GNS: variants seen among roughly 807,000 people sequenced by gnomAD.
The protein encoded by GNS is glucosamine (N-acetyl)-6-sulfatase, also known as N-acetylglucosamine-6-sulfatase.
A neutral mutation model predicts 69.7 loss-of-function variants in GNS; 40 were observed. The observed-to-expected ratio is 0.57, with a 90% CI of 0.45 to 0.75. The LOEUF (loss-of-function observed/expected upper bound fraction) is 0.75, where lower values mean the gene tolerates loss of function less well. Among genes scored for constraint, GNS ranks in the 30% least tolerant of loss-of-function variants. The pLI is 0.00. For synonymous variants in GNS, 243 were observed against 251.6 expected, an observed-to-expected ratio of 0.97 and a Z score of 0.32; for missense variants, 565 against 685.5, an observed-to-expected ratio of 0.82 and a Z score of 1.96.
chr12:64,729,276 C>T (rs1241752877), intron 9 of GNS: 4 of 536,210 alleles, frequency 7.5e-6, no homozygotes, highest in Non-Finnish European at 1.3e-5. Flanking sequence ...GTATATCCCC[C>T]TGGCAAGTTA....
At chr12:64,720,302 A>C in intron 12 of GNS, 120 bp from the exon 13 acceptor site, 1 of 723,998 alleles carries the variant, frequency 1.4e-6, no homozygotes, top group Non-Finnish European at 2.4e-6. Flanking sequence ...AAAAAAAATC[A>C]AGGCCCTGGA....
intron 7 of GNS, among the ~76,000 whole-genome samples, chr12:64,740,389 G>A (rs1270331594): frequency 6.6e-6 from 1 of 152,130 alleles, no homozygotes; most frequent in African/African-American, 2.4e-5. Flanking sequence ...TCCTAAAAAT[G>A]GGCAGTCTAA....
intron 5 of GNS, among the ~76,000 whole-genome samples, chr12:64,744,275 T>C (rs888717673): frequency 2.6e-5 from 4 of 152,250 alleles, no homozygotes; most frequent in Non-Finnish European, 5.9e-5. Flanking sequence ...CATTTACTGT[T>C]GAACACTGGC....
At chr12:64,735,710 C>T (rs1388990452) in intron 9 of GNS, among the ~76,000 whole-genome samples, 1 of 152,212 alleles carries the variant, frequency 6.6e-6, no homozygotes, top group Non-Finnish European at 1.5e-5. Flanking sequence ...TCAATCAGTT[C>T]CAAACACCAA....
chr12:64,724,715 G>A (rs1445083305), intron 10 of GNS, among the ~76,000 whole-genome samples: 1 of 152,150 alleles, frequency 6.6e-6, no homozygotes, highest in Non-Finnish European at 1.5e-5. Flanking sequence ...CAAAAAACTA[G>A]CTGGGCATGG....
rs1868840064 is a variant in GNS at position 64,715,733 on chromosome 12, T to A, written c.*1008A>T. 1 of 152,956 alleles carries A rather than the reference T, an allele frequency of 6.5e-6. No individual in the cohort carries two copies. The highest frequency in any genetic ancestry group is 2.4e-5 in the African/African-American group (1 of 41,390). 9.5% of individuals were successfully genotyped at this position (152,956 alleles called of 1,614,324 possible). A position where few individuals can be genotyped will look rare whatever the true frequency, so the allele number is the denominator to read the frequency against. ...ACAAATGAAGAGAATGACAGAAAAA[T>A]GCAGATAGAGCCAATGACTTCATAC... On this transcript the variant is annotated 3_prime_UTR_variant, in exon 14 of 14. Coordinates refer to ENST00000258145, the MANE Select transcript of GNS (RefSeq NM_002076.4).
Position 64,745,828 on chromosome 12 carries a change from A to T in GNS, c.460-104T>A, listed in dbSNP as rs1342726004. On this transcript the variant is annotated intron_variant, in intron 3 of 13. Coordinates refer to ENST00000258145, the MANE Select transcript of GNS (RefSeq NM_002076.4). ...CTTTTTAGACCAGTGCCTGAAACAT[A>T]GTAGGTACCTAATTTCCCCAAATAG... 3 of 757,252 alleles carry T rather than the reference A, an allele frequency of 4.0e-6. No individual in the cohort carries two copies. The African/African-American group carries it at 5.2e-5, about 13-fold the overall frequency. 46.9% of individuals were successfully genotyped at this position (757,252 alleles called of 1,614,324 possible). A position where few individuals can be genotyped will look rare whatever the true frequency, so the allele number is the denominator to read the frequency against.
At chr12:64,737,523 G>A (rs1038146602) in intron 8 of GNS, among the ~76,000 whole-genome samples, 3 of 152,160 alleles carry the variant, frequency 2.0e-5, no homozygotes, top group African/African-American at 7.2e-5. Context: ...CTGATAAGGG[G>A]AAGTTCTTCT....
intron 9 of GNS, among the ~76,000 whole-genome samples, chr12:64,733,176 T>C (rs2136242697): frequency 6.6e-6 from 1 of 151,896 alleles, no homozygotes; most frequent in South Asian, 2.1e-4. Flanking sequence ...TGTGCACCTA[T>C]AGTCCCAGCT....
At chr12:64,726,777 T>C (rs1041180210) in intron 10 of GNS, among the ~76,000 whole-genome samples, 1 of 152,102 alleles carries the variant, frequency 6.6e-6, no homozygotes, top group African/African-American at 2.4e-5. Context: ...ATTACAGGTG[T>C]GAGCCACTGC....
chr12:64,742,902 A>G (rs1869791295), intron 6 of GNS, among the ~76,000 whole-genome samples: 3 of 152,284 alleles, frequency 2.0e-5, no homozygotes, highest in South Asian at 4.1e-4. Flanking sequence ...GTAAATTGGG[A>G]AAGATGGCAT....
chr12:64,739,308 C>T lies in GNS; in HGVS notation c.994+73G>A, dbSNP rs368416470. On this transcript the variant is annotated intron_variant, in intron 8 of 13. Coordinates refer to ENST00000258145, the MANE Select transcript of GNS (RefSeq NM_002076.4). The stretch of plus-strand genomic sequence containing the variant: ...AGTTATAAAAAGACTAGAACTCCCT[C>T]CCAGGGCTCATTGGGTGAAAAAGGA... 7 of 859,658 alleles carry T rather than the reference C, an allele frequency of 8.1e-6. No individual in the cohort carries two copies. The East Asian group carries it at 1.7e-4, about 21-fold the overall frequency. The allele number at this position is 859,658 out of a possible 1,614,324, so 53.3% of individuals were successfully genotyped here.
intron 13 of GNS, 55 bp downstream of exon 13, chr12:64,719,965 AAC>A (rs1235261031): frequency 1.1e-5 from 13 of 1,188,168 alleles, no homozygotes; most frequent in Non-Finnish European, 1.6e-5. Flanking sequence ...TGCCTTCAAG[AAC>A]AGCATGTCTA....
chr12:64,752,895 C>A, intron 1 of GNS, 138 bp from the exon 2 acceptor site: 1 of 673,644 alleles, frequency 1.5e-6, no homozygotes, highest in South Asian at 1.6e-5. Flanking sequence ...CAAAGAGAGT[C>A]TTGTATGATT....
Position 64,720,057 on chromosome 12 carries a change from C to G in GNS, c.1545G>C (p.Gly515=). The change falls in exon 13 of 14, where the codon GGG becomes GGC. Residue 515 remains glycine (G), a synonymous_variant. Coordinates refer to ENST00000258145, the MANE Select transcript of GNS (RefSeq NM_002076.4). Reference sequence around the variant, plus strand: ...AAACCCCTGGAGTGCGACAGGTTGGCCCAGAACAGGACTGTAACATCATTA... The same window carrying G: ...AAACCCCTGGAGTGCGACAGGTTGGGCCAGAACAGGACTGTAACATCATTA... ...YRLMMLQSCS[G]PTCRTPGVFD... is the part of the protein sequence containing the mutation. The G allele has an allele frequency of 6.2e-7, 1 of 1,613,000 alleles. No homozygotes were observed. The highest frequency in any genetic ancestry group is 8.5e-7 in the Non-Finnish European group (1 of 1,178,992).
intron 1 of GNS, among the ~76,000 whole-genome samples, chr12:64,753,497 C>T (rs1005908600): frequency 1.3e-5 from 2 of 152,104 alleles, no homozygotes; most frequent in Non-Finnish European, 2.9e-5. Context: ...CTTCAGATTC[C>T]AGACAGCAAA....
chr12:64,749,670 C>A (rs140468488), intron 2 of GNS, among the ~76,000 whole-genome samples: 124 of 152,212 alleles, frequency 8.1e-4, no homozygotes, highest in African/African-American at 2.7e-3. Flanking sequence ...GGGCTGTCGG[C>A]CTCTTGTTAC....
Position 64,747,833 on chromosome 12 carries a change from G to C in GNS, c.338C>G (p.Thr113Ser), listed in dbSNP as rs755996528. Residue 113 changes from threonine (T) to serine (S), a missense_variant, in exon 3 of 14, where the codon ACT (threonine) becomes AGT (serine). Physicochemically the swap from Thr to Ser is moderately conservative, Grantham distance 58. Around this residue, in one of 2 missense-constraint regions of GNS, gnomAD observed 181 missense variants for 174.4 expected, o/e 1.04. Transcript: ENST00000258145. ...CTTACTACTGCAGTTCCCCTCCAGA[G>C]TGTTGTTCACAACGTGATGATTATG... ...YPHNHHVVNN[T>S]LEGNCSSKSW... The C allele has an allele frequency of 1.9e-6, 3 of 1,607,992 alleles. No homozygotes were observed. Among genetic ancestry groups the C allele is most frequent in the South Asian group, 2.2e-5 (2 of 90,974 alleles).
At chr12:64,757,875 TA>T in intron 1 of GNS, among the ~76,000 whole-genome samples, 1 of 152,190 alleles carries the variant, frequency 6.6e-6, no homozygotes, top group Non-Finnish European at 1.5e-5. Context: ...CAAGAAAAGT[TA>T]GGAACGTCTT....
Sources: gnomAD v4.1 joint callset for allele counts (sites outside exome capture counted in the v4.1 genomes callset) on GRCh38, gnomAD v4.1.1 for gene constraint, gnomAD v4.1.1 regional missense constraint, MANE v1.5 for transcripts, NCBI Gene and HGNC (gene_info 2026-07-23, HGNC 2026-07-21) for gene names.